TNRC18: variants seen among roughly 807,000 people sequenced by gnomAD.
TNRC18 encodes trinucleotide repeat-containing gene 18 protein.
TNRC18 carries 69 observed loss-of-function variants against 226.7 expected under a neutral mutation model. The ratio of observed to expected loss-of-function variants is 0.30; its 90% CI spans 0.25 to 0.37. The LOEUF is 0.37. Ranked by LOEUF, TNRC18 falls within the 10% of genes least tolerant of loss-of-function variation. The pLI is 1.00. For synonymous variants in TNRC18, 2,449 were observed against 1,927.6 expected (o/e 1.27, Z -7.09); for missense variants, 4,754 against 4,256.6 (o/e 1.12, Z -3.25).
chr7:5,388,096 G>GGCC lies in TNRC18; in HGVS notation c.1725_1727dup (p.Ala576dup). ...TGGCCGAGGCCTCTCCAGACCCGTG[G>GGCC]GCCGCAGAGTGCATGTCAGCGACCG... On this transcript the variant is annotated inframe_insertion, in exon 5 of 30. Transcript: ENST00000430969. The GGCC allele has an allele frequency of 6.4e-7, 1 of 1,553,362 alleles. No individual in the cohort carries two copies. The highest frequency in any genetic ancestry group is 1.2e-5 in the South Asian group (1 of 84,560).
Position 5,387,864 on chromosome 7 carries a change from C to G in TNRC18, c.1960G>C (p.Asp654His). The change falls in exon 5 of 30, where the codon GAC (aspartate) becomes CAC (histidine). Residue 654 changes from aspartate to histidine, a missense_variant. Asp to His is a moderately conservative substitution (Grantham distance 81). Transcript: ENST00000430969. The stretch of plus-strand genomic sequence containing the variant: ...TTGGCGCTCTCGGGCCTCTCGGGGT[C>G]CCGCTTCAGCTGCCGGCCGCCGCCC... ...AAGGGRQLKR[D>H]PERPESAKAF... 4.4e-6 allele frequency: 7 copies of G among 1,598,384 alleles called. No individual in the cohort carries two copies. The highest frequency in any genetic ancestry group is 6.0e-6 in the Non-Finnish European group (7 of 1,175,266).
In TNRC18 at chr7:5,372,075, T is replaced by G. The variant is rs908353428; in HGVS notation, c.3230-711A>C. Among the ~76,000 whole-genome samples the G allele has an allele frequency of 7.6e-4, 116 of 152,006 alleles. No individual in the cohort carries two copies. In the Middle Eastern group the frequency reaches 0.01, roughly 13 times the overall value. ...TGACCCACCGCGCCTGGCTAATTTT[T>G]TTTTTTTTTTGAGACGCAGTCTCGC... On this transcript the variant is annotated intron_variant, in intron 10 of 29. Coordinates refer to ENST00000430969, the MANE Select transcript of TNRC18 (RefSeq NM_001080495.3).
At chr7:5,349,345 G>GC (rs1791542142) in intron 17 of TNRC18, among the ~76,000 whole-genome samples, 1 of 152,214 alleles carries the variant, frequency 6.6e-6, no homozygotes, top group Non-Finnish European at 1.5e-5. Context: ...AATGCAGCTT[G>GC]CCGAGGGCTG....
intron 2 of TNRC18, among the ~76,000 whole-genome samples, chr7:5,395,357 A>G (rs12530811): frequency 0.78 from 119,129 of 152,186 alleles, 46,908 homozygotes; most frequent in East Asian, 1. Flanking sequence ...GTCACTGCCA[A>G]TAGGGGCCAC....
intron 18 of TNRC18, among the ~76,000 whole-genome samples, chr7:5,337,276 A>G (rs968281656): frequency 6.6e-6 from 1 of 152,192 alleles, no homozygotes; most frequent in African/African-American, 2.4e-5. Flanking sequence ...TATATCCAGT[A>G]AAAACAACAC....
chr7:5,332,933 G>T lies in TNRC18; in HGVS notation c.5836C>A (p.Pro1946Thr), dbSNP rs76335543. Reference sequence around the variant, plus strand: ...TCGGGACCGCGGGCGCCAGGCGTGGGTGCGGCCAGGGAGGGTCCCGGCTCC... The same window carrying T: ...TCGGGACCGCGGGCGCCAGGCGTGGTTGCGGCCAGGGAGGGTCCCGGCTCC... The part of the protein sequence containing the change: ...LGEPGPSLAA[P>T]TPGARGPDPS... The change falls in exon 19 of 30, where the codon CCC becomes ACC. Residue 1946 changes from proline (P) to threonine (T), a missense_variant. By Grantham distance (38) the Pro-to-Thr change is conservative. Coordinates refer to ENST00000430969, the MANE Select transcript of TNRC18 (RefSeq NM_001080495.3). The T allele has an allele frequency of 2.5e-3, 3,903 of 1,547,512 alleles. 64 individuals are homozygous for T. The African/African-American group carries it at 0.043, about 17-fold the overall frequency.
chr7:5,418,042 G>A (rs915450403), intron 2 of TNRC18, among the ~76,000 whole-genome samples: 4 of 152,136 alleles, frequency 2.6e-5, no homozygotes, highest in Non-Finnish European at 5.9e-5. Context: ...AGAACCCTGG[G>A]TCCCACCCTC....
At chr7:5,379,577 G>A (rs1033591932) in intron 5 of TNRC18, among the ~76,000 whole-genome samples, 1 of 152,186 alleles carries the variant, frequency 6.6e-6, no homozygotes, top group Non-Finnish European at 1.5e-5. Context: ...CAGAGGAGAG[G>A]GGACAGGGAG....
chr7:5,395,819 G>A (rs180834980), intron 2 of TNRC18, among the ~76,000 whole-genome samples: 7 of 152,240 alleles, frequency 4.6e-5, no homozygotes, highest in East Asian at 3.9e-4. Context: ...GTGAAACCCC[G>A]CCCCTACTAA....
At chr7:5,340,814 G>A (rs1430416984) in intron 18 of TNRC18, among the ~76,000 whole-genome samples, 1 of 152,130 alleles carries the variant, frequency 6.6e-6, no homozygotes, top group Non-Finnish European at 1.5e-5. Context: ...AGCAGCCGGT[G>A]TTGATGGAGA....
chr7:5,314,563 C>CTTT (rs67183154), intron 26 of TNRC18, among the ~76,000 whole-genome samples: 36 of 79,642 alleles, frequency 4.5e-4, no homozygotes, highest in Middle Eastern at 0.011. Context: ...GAGTTCTCTT[C>CTTT]TTTTTTTTTT....
At chr7:5,402,395 C>A (rs756636681) in intron 2 of TNRC18, among the ~76,000 whole-genome samples, 13 of 151,488 alleles carry the variant, frequency 8.6e-5, no homozygotes, top group Non-Finnish European at 1.2e-4. Flanking sequence ...ATTAGCCATG[C>A]ATGGCGGTGT....
In TNRC18 at chr7:5,312,401, G is replaced by A. The variant is rs1787320980; in HGVS notation, c.8388+102C>T. 8 of 1,467,762 alleles carry A rather than the reference G, an allele frequency of 5.5e-6. No individual in the cohort carries two copies. The highest frequency in any genetic ancestry group is 1.4e-5 in the African/African-American group (1 of 70,728). The allele number at this position is 1,467,762 out of a possible 1,614,324, so 90.9% of individuals were successfully genotyped here. A position where few individuals can be genotyped will look rare whatever the true frequency, so the allele number is the denominator to read the frequency against. On this transcript the variant is annotated intron_variant, in intron 27 of 29. Coordinates refer to ENST00000430969, the MANE Select transcript of TNRC18 (RefSeq NM_001080495.3). The surrounding 1 kb of genome is among the most constrained non-coding windows in gnomAD (Gnocchi z 6.3). ...CGCCAGCCCTCCACCCTGGGGTTCT[G>A]GGAGGTTACCACACACGGAGACACA...
In TNRC18 at chr7:5,312,995, A is replaced by AGAGGAGGAG. The variant is rs762048914; in HGVS notation, c.7895_7896insCTCCTCCTC (p.Ser2669_Ser2671dup). ...AGGAGGAGGAAGAGGAGGAGGAGGA[A>AGAGGAGGAG]GAGGAGGATGAGGAGGAGGAGGAGG... is the stretch of plus-strand genomic sequence containing the variant. On this transcript the variant is annotated inframe_insertion, in exon 27 of 30. Transcript: ENST00000430969. The surrounding 1 kb of genome is among the most constrained non-coding windows in gnomAD (Gnocchi z 6.3). The AGAGGAGGAG allele has an allele frequency of 2.4e-5, 21 of 873,750 alleles. No homozygotes were observed. The East Asian group carries it at 4.0e-4, about 17-fold the overall frequency. 54.1% of individuals were successfully genotyped at this position (873,750 alleles called of 1,614,324 possible). A position where few individuals can be genotyped will look rare whatever the true frequency, so the allele number is the denominator to read the frequency against.
chr7:5,311,719 GA>G (rs1424890712), intron 27 of TNRC18, among the ~76,000 whole-genome samples: 2 of 152,116 alleles, frequency 1.3e-5, no homozygotes, highest in African/African-American at 2.4e-5. Flanking sequence ...TCAGGAGGCT[GA>G]GGCGGGAAAA....
chr7:5,313,196 A>C lies in TNRC18; in HGVS notation c.7695T>G (p.Ser2565Arg). The part of the protein sequence containing the change: ...EESESSSSSS[S>R]GSSSSSSSSS... ...TGCTGCTGCTGCTGCTACTGCTGCC[A>C]CTACTGCTGCTGCTGCTGCTCTCGG... The change falls in exon 27 of 30, where the codon AGT becomes AGG. Residue 2565 changes from serine to arginine, a missense_variant. Coordinates refer to ENST00000430969, the MANE Select transcript of TNRC18 (RefSeq NM_001080495.3). 6.5e-7 allele frequency: 1 copy of C among 1,535,716 alleles called. No homozygotes were observed.
intron 2 of TNRC18, among the ~76,000 whole-genome samples, chr7:5,402,885 G>A (rs550082469): frequency 6.6e-6 from 1 of 151,880 alleles, no homozygotes; most frequent in Non-Finnish European, 1.5e-5. Flanking sequence ...GTGTGGAATG[G>A]GGGGGCAAGG....
Position 5,312,898 on chromosome 7 carries a change from A to C in TNRC18, c.7993T>G (p.Ser2665Ala). ...SSSSSSSSSS[S>A]SSSSSSTTDE... is the part of the protein sequence containing the mutation. ...GTGGTGGAGGAAGAAGAGGAGGAAGAGGAGGAGGAGGAGGAGGATGAGGAC... is the reference window on the plus strand; with the variant it reads ...GTGGTGGAGGAAGAAGAGGAGGAAGCGGAGGAGGAGGAGGAGGATGAGGAC... The change falls in exon 27 of 30, where the codon TCT becomes GCT. Residue 2665 changes from serine (S) to alanine (A), a missense_variant. Coordinates refer to ENST00000430969, the MANE Select transcript of TNRC18 (RefSeq NM_001080495.3). This position sits in a 1 kb window ranked among gnomAD's most constrained non-coding sequence, Gnocchi z 6.3. The C allele has an allele frequency of 1.4e-6, 2 of 1,409,852 alleles. No individual in the cohort carries two copies. Among genetic ancestry groups the C allele is most frequent in the Non-Finnish European group, 1.9e-6 (2 of 1,050,992 alleles). 87.3% of individuals were successfully genotyped at this position (1,409,852 alleles called of 1,614,324 possible).
chr7:5,369,444 C>T lies in TNRC18; in HGVS notation c.4219+931G>A, dbSNP rs150584623. ...GCCAAAGCTAGCAAGAAAGAGGTGG[C>T]CTCTTTCGGAAGGCTGCTGAGCAGG... On this transcript the variant is annotated intron_variant, in intron 11 of 29. Coordinates refer to ENST00000430969, the MANE Select transcript of TNRC18 (RefSeq NM_001080495.3). Among the ~76,000 whole-genome samples, 25 of 152,232 alleles carry T rather than the reference C, an allele frequency of 1.6e-4. No individual in the cohort carries two copies. In the East Asian group the frequency reaches 4.4e-3, roughly 27 times the overall value.
Sources: gnomAD v4.1 joint callset for allele counts (sites outside exome capture counted in the v4.1 genomes callset) on GRCh38, gnomAD v4.1.1 for gene constraint, Gnocchi (gnomAD v3.1) non-coding constraint, MANE v1.5 for transcripts, NCBI Gene and HGNC (gene_info 2026-07-23, HGNC 2026-07-21) for gene names.